GRM7: variants seen among roughly 807,000 people sequenced by gnomAD.
GRM7 encodes glutamate metabotropic receptor 7.
Under a neutral mutation model 84.5 loss-of-function variants are expected in GRM7, and 35 were observed. The observed-to-expected ratio is 0.41, with a 90% CI of 0.32 to 0.55. The LOEUF (loss-of-function observed/expected upper bound fraction) is 0.55. Ranked by LOEUF, GRM7 falls within the 20% of genes least tolerant of loss-of-function variation. The probability of loss-of-function intolerance (pLI) is 0.19; values close to 1 mark genes in which losing one functional copy is unlikely to be tolerated. For missense variants in GRM7, 1,003 were observed against 1,194.6 expected, an observed-to-expected ratio of 0.84 and a Z score of 2.36; for synonymous variants, 487 against 455.1, an observed-to-expected ratio of 1.07 and a Z score of -0.89.
At chr3:7,730,020 G>A (rs1056188133) in intron 9 of GRM7, among the ~76,000 whole-genome samples, 10 of 149,726 alleles carry the variant, frequency 6.7e-5, no homozygotes, top group African/African-American at 2.2e-4. Flanking sequence ...GATTGCAGGC[G>A]CCCACCATCA....
chr3:7,348,986 C>T (rs1575202336), intron 4 of GRM7, among the ~76,000 whole-genome samples: 1 of 152,194 alleles, frequency 6.6e-6, no homozygotes, highest in South Asian at 2.1e-4. Context: ...ATTAGATGGG[C>T]CATGCCTTCA....
At chr3:7,410,704 GGACAA>G (rs1291527202) in intron 4 of GRM7, among the ~76,000 whole-genome samples, 22 of 148,870 alleles carry the variant, frequency 1.5e-4, no homozygotes, top group African/African-American at 4.3e-4. Context: ...AAAAGAGAAA[GGACAA>G]GACAAGTCTA....
At chr3:7,230,588 A>G (rs1307743757) in intron 2 of GRM7, among the ~76,000 whole-genome samples, 2 of 152,370 alleles carry the variant, frequency 1.3e-5, no homozygotes, top group East Asian at 3.9e-4. Flanking sequence ...AACGTCAAAG[A>G]GAAAAGTGTA....
chr3:7,557,043 G>A (rs1396815988), intron 7 of GRM7, among the ~76,000 whole-genome samples: 5 of 152,152 alleles, frequency 3.3e-5, no homozygotes, highest in African/African-American at 9.7e-5. Context: ...ATTTTAAACA[G>A]TGAAGAGTAG....
At chr3:7,214,367 A>G (rs1416582772) in intron 2 of GRM7, among the ~76,000 whole-genome samples, 2 of 152,200 alleles carry the variant, frequency 1.3e-5, no homozygotes, top group Non-Finnish European at 2.9e-5. Flanking sequence ...GTTCCAAACA[A>G]TGTTCTAAGT....
chr3:7,027,568 T>G (rs1242348491), intron 1 of GRM7, among the ~76,000 whole-genome samples: 1 of 152,184 alleles, frequency 6.6e-6, no homozygotes, highest in African/African-American at 2.4e-5. Context: ...TTTCTTTTAC[T>G]GATTGCTTTT....
intron 2 of GRM7, among the ~76,000 whole-genome samples, chr3:7,162,001 G>C (rs1050034548): frequency 2.6e-5 from 4 of 152,172 alleles, no homozygotes; most frequent in Non-Finnish European, 5.9e-5. Context: ...TAATTACTTG[G>C]CTGCAGAGGT....
chr3:6,939,514 A>G (rs1180741343), intron 1 of GRM7, among the ~76,000 whole-genome samples: 1 of 152,154 alleles, frequency 6.6e-6, no homozygotes, highest in Non-Finnish European at 1.5e-5. Context: ...TAGAAAGCAT[A>G]TATATTTCAC....
chr3:6,957,803 G>C (rs150815779), intron 1 of GRM7, among the ~76,000 whole-genome samples: 2 of 152,208 alleles, frequency 1.3e-5, no homozygotes, highest in African/African-American at 4.8e-5. Flanking sequence ...TGAAAAAGAG[G>C]GATATATTTC....
chr3:7,391,997 C>T (rs1695020155), intron 4 of GRM7, among the ~76,000 whole-genome samples: 1 of 152,160 alleles, frequency 6.6e-6, no homozygotes. Flanking sequence ...CTCTCTACAT[C>T]TATTCTTGAG....
chr3:7,070,836 T>C (rs1227669387), intron 1 of GRM7, among the ~76,000 whole-genome samples: 1 of 152,116 alleles, frequency 6.6e-6, no homozygotes, highest in African/African-American at 2.4e-5. Flanking sequence ...AAATAGAAGC[T>C]AGAAGCTTAT....
intron 2 of GRM7, among the ~76,000 whole-genome samples, chr3:7,216,312 A>G (rs1696608164): frequency 6.6e-6 from 1 of 152,206 alleles, no homozygotes; most frequent in African/African-American, 2.4e-5. Context: ...GTATAATTAT[A>G]TAAACAATGA....
intron 9 of GRM7, among the ~76,000 whole-genome samples, chr3:7,738,599 G>C (rs992381403): frequency 6.6e-6 from 1 of 152,006 alleles, no homozygotes; most frequent in Non-Finnish European, 1.5e-5. Context: ...GTGTTTTATA[G>C]TAATCAATTT....
intron 1 of GRM7, among the ~76,000 whole-genome samples, chr3:6,988,330 A>G (rs1232839050): frequency 6.6e-6 from 1 of 151,826 alleles, no homozygotes; most frequent in African/African-American, 2.4e-5. Flanking sequence ...TTTGCAGGTC[A>G]TCATGGACCA....
intron 1 of GRM7, among the ~76,000 whole-genome samples, chr3:7,071,328 A>G (rs920109374): frequency 6.6e-6 from 1 of 151,882 alleles, no homozygotes; most frequent in Admixed American, 6.6e-5. Context: ...ACTTCTCTCA[A>G]AGGAACATCT....
chr3:7,159,486 AAGAC>A (rs1182625032), intron 2 of GRM7, among the ~76,000 whole-genome samples: 1 of 152,164 alleles, frequency 6.6e-6, no homozygotes, highest in Non-Finnish European at 1.5e-5. Context: ...TTTATGGAGA[AAGAC>A]AGAGATTGCT....
chr3:7,237,397 C>G (rs1697384108), intron 2 of GRM7, among the ~76,000 whole-genome samples: 1 of 152,050 alleles, frequency 6.6e-6, no homozygotes, highest in African/African-American at 2.4e-5. Flanking sequence ...GAAATAACAC[C>G]AAACCCCATG....
intron 7 of GRM7, among the ~76,000 whole-genome samples, chr3:7,509,832 G>A (rs1700145108): frequency 1.1e-5 from 1 of 90,172 alleles, no homozygotes; most frequent in Non-Finnish European, 2.3e-5. Context: ...CTAAGTATCA[G>A]GGGATTGAAA....
At chr3:7,353,859 G>A (rs1189592277) in intron 4 of GRM7, among the ~76,000 whole-genome samples, 1 of 152,096 alleles carries the variant, frequency 6.6e-6, no homozygotes, top group Admixed American at 6.6e-5. Flanking sequence ...GACAGCAGAG[G>A]CAAAGCAACA....
Sources: gnomAD v4.1 joint callset for allele counts (sites outside exome capture counted in the v4.1 genomes callset) on GRCh38, gnomAD v4.1.1 for gene constraint, MANE v1.5 for transcripts, NCBI Gene and HGNC (gene_info 2026-07-23, HGNC 2026-07-21) for gene names.